The following SKOR2 variants were observed in gnomAD, a reference collection of about 807,000 sequenced individuals.
SKOR2 encodes the protein LBX1 corepressor 1-like protein.
A neutral mutation model predicts 69.1 loss-of-function variants in SKOR2; 47 were observed. That is an observed-to-expected ratio of 0.68 (90% CI 0.54 to 0.87). The LOEUF (loss-of-function observed/expected upper bound fraction) is 0.87. Among genes scored for constraint, SKOR2 ranks in the 40% least tolerant of loss-of-function variants. The probability of loss-of-function intolerance (pLI) is 0.00; values close to 1 mark genes in which losing one functional copy is unlikely to be tolerated. For missense variants in SKOR2, 1,404 were observed against 1,472.2 expected (o/e 0.95, Z 0.76); for synonymous variants, 717 against 672.6 (o/e 1.07, Z -1.02).
At chr18:47,242,545 ATT>A (rs2064253708) in intron 4 of SKOR2, among the ~76,000 whole-genome samples, 1 of 152,088 alleles carries the variant, frequency 6.6e-6, no homozygotes, top group South Asian at 2.1e-4. Flanking sequence ...TGTATGAATC[ATT>A]GTTACCCCTT....
At chr18:47,244,751 T>C (rs1391749016) in intron 4 of SKOR2, among the ~76,000 whole-genome samples, 157 bp downstream of exon 4, 1 of 152,246 alleles carries the variant, frequency 6.6e-6, no homozygotes, top group Non-Finnish European at 1.5e-5. Context: ...TTGCTATTAA[T>C]GTCACTGCTT....
At chr18:47,214,389 T>G (rs1049977012) in intron 7 of SKOR2, among the ~76,000 whole-genome samples, 2 of 152,168 alleles carry the variant, frequency 1.3e-5, no homozygotes, top group Non-Finnish European at 2.9e-5. Context: ...CAGATTGGAA[T>G]TTAAACTGGG....
chr18:47,244,835 T>C lies in SKOR2; in HGVS notation c.2752+73A>G, dbSNP rs983091257. Reference sequence around the variant, plus strand: ...TTTTACCCTTGTACTAAATATTCAGTCTTTTGATTATGAATTTCAGCCCCT... The same window carrying C: ...TTTTACCCTTGTACTAAATATTCAGCCTTTTGATTATGAATTTCAGCCCCT... On this transcript the variant is annotated intron_variant, in intron 4 of 8. Transcript: ENST00000425639. 4.4e-6 allele frequency: 6 copies of C among 1,360,574 alleles called. No individual in the cohort carries two copies. The African/African-American group carries it at 5.8e-5, about 13-fold the overall frequency. The allele number at this position is 1,360,574 out of a possible 1,614,324, so 84.3% of individuals were successfully genotyped here.
chr18:47,247,007 T>C lies in SKOR2; in HGVS notation c.2177A>G (p.Tyr726Cys), dbSNP rs776559933. ...GTCCTCGGAGCTGTCCTCGCTGGGG[T>C]AGCAGCAGCTGGTTCCCCCGGGAGA... ...LLSPGGTSCCYPSEDSSEDED... is the reference protein window; with the variant it reads ...LLSPGGTSCCCPSEDSSEDED... Residue 726 changes from tyrosine to cysteine, a missense_variant, in exon 2 of 9, where the codon TAC (tyrosine) becomes TGC (cysteine). Coordinates refer to ENST00000425639, the MANE Select transcript of SKOR2 (RefSeq NM_001278063.4). The surrounding 1 kb of genome is among the most constrained non-coding windows in gnomAD (Gnocchi z 6.6). 450 of 1,493,838 alleles carry C rather than the reference T, an allele frequency of 3.0e-4. No homozygotes were observed. Among genetic ancestry groups the C allele is most frequent in the Non-Finnish European group, 3.9e-4 (441 of 1,128,096 alleles). 92.5% of individuals were successfully genotyped at this position (1,493,838 alleles called of 1,614,324 possible). A position where few individuals can be genotyped will look rare whatever the true frequency, so the allele number is the denominator to read the frequency against.
chr18:47,221,383 A>G (rs1290422804), intron 6 of SKOR2, among the ~76,000 whole-genome samples: 1 of 152,172 alleles, frequency 6.6e-6, no homozygotes, highest in Non-Finnish European at 1.5e-5. Context: ...TTGAGCAGAC[A>G]CGTGGAGAAC....
rs2064288028 is a variant in SKOR2 at position 47,247,830 on chromosome 18, C to T, written c.1354G>A (p.Gly452Ser). ...AGAAPKAGLS[G>S]LFWPAGRKDA... ...TTGCGGCCCGCGGGCCAGAAGAGGC[C>T]GGACAAGCCGGCCTTGGGCGCCGCG... The change falls in exon 2 of 9, where the codon GGC (glycine) becomes AGC (serine). Residue 452 changes from glycine to serine, a missense_variant. By Grantham distance (56) the Gly-to-Ser change is moderately conservative (BLOSUM62 0). Transcript: ENST00000425639. This position sits in a 1 kb window ranked among gnomAD's most constrained non-coding sequence, Gnocchi z 6.6. The T allele has an allele frequency of 2.2e-6, 3 of 1,381,760 alleles. No homozygotes were observed. The highest frequency in any genetic ancestry group is 1.6e-5 in the South Asian group (1 of 60,716). The allele number at this position is 1,381,760 out of a possible 1,614,324, so 85.6% of individuals were successfully genotyped here.
At chr18:47,225,478 A>G (rs770759186) in intron 6 of SKOR2, among the ~76,000 whole-genome samples, 23 of 152,206 alleles carry the variant, frequency 1.5e-4, no homozygotes, top group Non-Finnish European at 2.6e-4. Context: ...TATTGAGAGT[A>G]TGCTACATAC....
intron 4 of SKOR2, among the ~76,000 whole-genome samples, chr18:47,239,040 G>A (rs1479963396): frequency 1.3e-5 from 2 of 152,064 alleles, no homozygotes; most frequent in African/African-American, 4.8e-5. Flanking sequence ...AGATTTTCTG[G>A]ATTTTTTATT....
rs555892660 is a variant in SKOR2 at position 47,218,693 on chromosome 18, C to T, written c.2985+1250G>A. Among the ~76,000 whole-genome samples the T allele has an allele frequency of 3.3e-5, 5 of 151,240 alleles. No homozygotes were observed. In the East Asian group the frequency reaches 9.7e-4, roughly 29 times the overall value. On this transcript the variant is annotated intron_variant, in intron 7 of 8. Coordinates refer to ENST00000425639, the MANE Select transcript of SKOR2 (RefSeq NM_001278063.4). ...CATCGAATCTTTTATTTAAATTTTT[C>T]CTTTAAACAGAGAATACAATAAATA...
Position 47,247,896 on chromosome 18 carries a change from C to T in SKOR2, c.1288G>A (p.Ala430Thr). Residue 430 changes from alanine (A) to threonine (T), a missense_variant, in exon 2 of 9, where the codon GCC (alanine) becomes ACC (threonine). Around this residue, in one of 3 missense-constraint regions of SKOR2, gnomAD observed 1,266 missense variants for 1,309.9 expected, o/e 0.97. Coordinates refer to ENST00000425639, the MANE Select transcript of SKOR2 (RefSeq NM_001278063.4). This position sits in a 1 kb window ranked among gnomAD's most constrained non-coding sequence, Gnocchi z 6.6. ...CCCGCGCCCCCCAGGGCCTCAGCGGCGGCACCCGCATCCTCTTTCTTATGG... is the reference window on the plus strand; with the variant it reads ...CCCGCGCCCCCCAGGGCCTCAGCGGTGGCACCCGCATCCTCTTTCTTATGG... ...LCHKKEDAGA[A>T]AEALGGAGAG... The T allele has an allele frequency of 7.3e-7, 1 of 1,363,168 alleles. No homozygotes were observed. The allele number at this position is 1,363,168 out of a possible 1,614,324, so 84.4% of individuals were successfully genotyped here.
chr18:47,223,213 C>T (rs1295224032), intron 6 of SKOR2, among the ~76,000 whole-genome samples: 1 of 151,904 alleles, frequency 6.6e-6, no homozygotes, highest in Admixed American at 6.6e-5. Flanking sequence ...ATGAACACAT[C>T]AACAGAAATA....
At chr18:47,249,665 T>G (rs527460607) in intron 1 of SKOR2, among the ~76,000 whole-genome samples, 3 of 152,290 alleles carry the variant, frequency 2.0e-5, no homozygotes, top group East Asian at 3.9e-4. Context: ...CTCATTTGCT[T>G]GGAGATAGAT....
intron 7 of SKOR2, among the ~76,000 whole-genome samples, chr18:47,215,834 A>T (rs1481083255): frequency 6.6e-6 from 1 of 152,172 alleles, no homozygotes; most frequent in Non-Finnish European, 1.5e-5. Context: ...GCCATTTATC[A>T]TGTGCTCTGT....
At chr18:47,211,060 T>C (rs2064126362) in intron 8 of SKOR2, among the ~76,000 whole-genome samples, 1 of 152,128 alleles carries the variant, frequency 6.6e-6, no homozygotes, top group South Asian at 2.1e-4. Flanking sequence ...CTACTACTAA[T>C]AAAGATAATG....
chr18:47,232,703 A>G (rs947274103), intron 4 of SKOR2, among the ~76,000 whole-genome samples: 1 of 152,222 alleles, frequency 6.6e-6, no homozygotes, highest in African/African-American at 2.4e-5. Context: ...AGCGCTGAAC[A>G]TACAATAAGC....
At position 47,212,282 on chromosome 18, in the gene SKOR2, T is replaced by C. The variant is rs988158644; in HGVS notation, c.2986-131A>G. On this transcript the variant is annotated intron_variant, in intron 7 of 8. Coordinates refer to ENST00000425639, the MANE Select transcript of SKOR2 (RefSeq NM_001278063.4). Reference sequence around the variant, plus strand: ...TCCCTGAAAAAAAGAGGTCTCCATCTGCTCAGCGGTATGAGGTTTCTGGGG... The same window carrying C: ...TCCCTGAAAAAAAGAGGTCTCCATCCGCTCAGCGGTATGAGGTTTCTGGGG... The C allele has an allele frequency of 5.1e-6, 4 of 781,168 alleles. No individual in the cohort carries two copies. In the African/African-American group the frequency reaches 7.2e-5, roughly 14 times the overall value. 48.4% of individuals were successfully genotyped at this position (781,168 alleles called of 1,614,324 possible). A position where few individuals can be genotyped will look rare whatever the true frequency, so the allele number is the denominator to read the frequency against.
chr18:47,248,471 C>T lies in SKOR2; in HGVS notation c.713G>A (p.Gly238Asp), dbSNP rs188936589. The change falls in exon 2 of 9, where the codon GGC becomes GAC. Residue 238 changes from glycine (G) to aspartate (D), a missense_variant. This residue lies in a region of SKOR2 where 1,266 missense variants were observed against 1,309.9 expected (regional missense o/e 0.97). Coordinates refer to ENST00000425639, the MANE Select transcript of SKOR2 (RefSeq NM_001278063.4). The surrounding 1 kb of genome is among the most constrained non-coding windows in gnomAD (Gnocchi z 6.4). The stretch of plus-strand genomic sequence containing the variant: ...CTGGGGCAGTGCGCGCTTGCGGCTG[C>T]CGCCGTTGAACATGGCCTTGACGTC... ...WEDVKAMFNG[G>D]SRKRALPQPG... is the part of the protein sequence containing the mutation. The T allele has an allele frequency of 6.5e-7, 1 of 1,529,882 alleles. No individual in the cohort carries two copies. The highest frequency in any genetic ancestry group is 1.4e-5 in the African/African-American group (1 of 72,894). 94.8% of individuals were successfully genotyped at this position (1,529,882 alleles called of 1,614,324 possible).
intron 7 of SKOR2, among the ~76,000 whole-genome samples, chr18:47,217,282 G>A (rs1199402138): frequency 6.6e-6 from 1 of 152,132 alleles, no homozygotes; most frequent in East Asian, 1.9e-4. Flanking sequence ...TACATTTCAT[G>A]TTTATTACTC....
chr18:47,240,683 G>A (rs890342196), intron 4 of SKOR2, among the ~76,000 whole-genome samples: 5 of 152,222 alleles, frequency 3.3e-5, no homozygotes, highest in Non-Finnish European at 7.4e-5. Context: ...ATTAAAGAAA[G>A]GCTAAACTTA....
Sources: allele counts gnomAD v4.1 joint callset (sites outside exome capture counted in the v4.1 genomes callset), GRCh38; gene constraint gnomAD v4.1.1; regional missense constraint gnomAD v4.1.1; non-coding constraint Gnocchi (gnomAD v3.1); transcripts MANE v1.5; gene names NCBI Gene and HGNC (gene_info 2026-07-23, HGNC 2026-07-21).